SLC67A1: variants seen among roughly 807,000 people sequenced by gnomAD.
The protein encoded by SLC67A1 is solute carrier family 67 member A1.
chr11:2,908,393 T>C, the SLC67A1 span: 2 of 1,304,634 alleles, frequency 1.5e-6, no homozygotes, highest in Non-Finnish European at 2.1e-6. Flanking sequence ...TCAGACGCCA[T>C]GGGCTCAGAC....
chr11:2,913,323 G>A, the SLC67A1 span, among the ~76,000 whole-genome samples: 10 of 152,288 alleles, frequency 6.6e-5, no homozygotes, highest in Admixed American at 3.9e-4. Flanking sequence ...TGGCCCCGCT[G>A]TCCCTCAGGA....
the SLC67A1 span, chr11:2,915,298 C>T: frequency 8.9e-5 from 71 of 795,098 alleles, no homozygotes; most frequent in African/African-American, 2.6e-4. Flanking sequence ...TGTGTGTGTG[C>T]GCATGTGGCT....
the SLC67A1 span, chr11:2,909,252 T>C: frequency 1.2e-5 from 18 of 1,538,650 alleles, no homozygotes; most frequent in Non-Finnish European, 1.6e-5. Flanking sequence ...CTGGCTGCCT[T>C]GGCGCTCTAC....
the SLC67A1 span, among the ~76,000 whole-genome samples, chr11:2,917,320 G>A: frequency 1.3e-5 from 2 of 152,254 alleles, no homozygotes. Flanking sequence ...GCCCAGCCTG[G>A]GCCAGAGGGA....
At chr11:2,908,466 C>A in the SLC67A1 span, 1 of 625,644 alleles carries the variant, frequency 1.6e-6, no homozygotes, top group Non-Finnish European at 2.7e-6. Context: ...GTGTCACAGG[C>A]CGATGGGGGT....
the SLC67A1 span, among the ~76,000 whole-genome samples, chr11:2,918,602 T>C: frequency 6.6e-6 from 1 of 152,194 alleles, no homozygotes; most frequent in African/African-American, 2.4e-5. Flanking sequence ...GAATAGGCCC[T>C]CAGCACTCCA....
chr11:2,907,913 A>G, the SLC67A1 span, among the ~76,000 whole-genome samples: 4 of 152,144 alleles, frequency 2.6e-5, no homozygotes, highest in South Asian at 2.1e-4. This position sits in a 1 kb window ranked among gnomAD's most constrained non-coding sequence, Gnocchi z 6.7. Context: ...CGTCCCCCAC[A>G]AAGTTTTGAA....
the SLC67A1 span, among the ~76,000 whole-genome samples, chr11:2,908,854 CG>C: frequency 2.0e-5 from 3 of 152,176 alleles, no homozygotes; most frequent in Admixed American, 6.5e-5. Flanking sequence ...GGGAGAAAGG[CG>C]CTGCTTTCTC....
At chr11:2,903,562 C>T in the SLC67A1 span, 2 of 1,560,470 alleles carry the variant, frequency 1.3e-6, no homozygotes, top group Non-Finnish European at 1.8e-6. Context: ...TCCATCTGGG[C>T]CGTCGCAGAG....
At chr11:2,911,604 G>A in the SLC67A1 span, among the ~76,000 whole-genome samples, 5 of 152,144 alleles carry the variant, frequency 3.3e-5, no homozygotes, top group South Asian at 4.1e-4. Context: ...GTACTCTGCC[G>A]GCTCAGGGCC....
the SLC67A1 span, among the ~76,000 whole-genome samples, chr11:2,905,108 G>T: frequency 6.6e-6 from 1 of 152,170 alleles, no homozygotes; most frequent in South Asian, 2.1e-4. Flanking sequence ...AGTTTGAGAC[G>T]ATTTTCGACC....
the SLC67A1 span, chr11:2,902,741 C>G: frequency 3.0e-6 from 3 of 985,310 alleles, no homozygotes; most frequent in African/African-American, 5.2e-5. Context: ...TACTGGGGAG[C>G]CTGGAAGGCT....
chr11:2,901,901 C>T, the SLC67A1 span, among the ~76,000 whole-genome samples: 1 of 152,236 alleles, frequency 6.6e-6, no homozygotes, highest in African/African-American at 2.4e-5. Context: ...CTTTTCTCTC[C>T]CCGCCCCTGC....
chr11:2,924,611 G>A, the SLC67A1 span, among the ~76,000 whole-genome samples: 1 of 152,202 alleles, frequency 6.6e-6, no homozygotes, highest in African/African-American at 2.4e-5. This position sits in a 1 kb window ranked among gnomAD's most constrained non-coding sequence, Gnocchi z 8.6. Context: ...TCCCTTGGCA[G>A]GCCTGGCAGG....
chr11:2,909,103 C>A, the SLC67A1 span: 1 of 1,276,970 alleles, frequency 7.8e-7, no homozygotes, highest in Non-Finnish European at 1.0e-6. Context: ...GCACTCCAGC[C>A]TCCCTGGTCA....
At chr11:2,917,958 T>G in the SLC67A1 span, 1 of 1,568,966 alleles carries the variant, frequency 6.4e-7, no homozygotes, top group East Asian at 2.2e-5. Flanking sequence ...ACAATGGCCT[T>G]TGCAGGCCTG....
At chr11:2,915,001 C>A in the SLC67A1 span, 1 of 985,314 alleles carries the variant, frequency 1.0e-6, no homozygotes, top group African/African-American at 1.7e-5. Flanking sequence ...ACCCCAGCAG[C>A]CAGAAAACCT....
At chr11:2,904,060 A>G in the SLC67A1 span, among the ~76,000 whole-genome samples, 2 of 152,204 alleles carry the variant, frequency 1.3e-5, no homozygotes, top group South Asian at 4.1e-4. Context: ...AATTCATGTT[A>G]GTTTAGTGTA....
At chr11:2,909,299 G>A in the SLC67A1 span, 1 of 1,534,168 alleles carries the variant, frequency 6.5e-7, no homozygotes, top group Non-Finnish European at 8.7e-7. Flanking sequence ...GGCCCTGCCC[G>A]GGGTCTACCT....
Sources: allele counts gnomAD v4.1 joint callset (sites outside exome capture counted in the v4.1 genomes callset), GRCh38; gene constraint gnomAD v4.1.1; non-coding constraint Gnocchi (gnomAD v3.1); transcripts MANE v1.5; gene names NCBI Gene and HGNC (gene_info 2026-07-23, HGNC 2026-07-21).